SH2D2A: variants seen among roughly 807,000 people sequenced by gnomAD.
The protein encoded by SH2D2A is SH2 domain-containing protein 2A.
In SH2D2A, 33 loss-of-function variants were observed where a neutral mutation model predicts 43.6. The observed-to-expected ratio is 0.76, with a 90% CI of 0.57 to 1.01. The LOEUF (loss-of-function observed/expected upper bound fraction) is 1.01, where lower values mean the gene tolerates loss of function less well. SH2D2A is among the 50% of genes least tolerant of loss of function. The probability of loss-of-function intolerance (pLI) is 0.00; values close to 1 mark genes in which losing one functional copy is unlikely to be tolerated. For missense variants in SH2D2A, 491 were observed against 503.1 expected (o/e 0.98, Z 0.23); for synonymous variants, 212 against 206.1 (o/e 1.03, Z -0.25).
intron 5 of SH2D2A, among the ~76,000 whole-genome samples, chr1:156,812,664 C>T (rs1356313532): frequency 6.6e-6 from 1 of 152,134 alleles, no homozygotes; most frequent in African/African-American, 2.4e-5. Flanking sequence ...CAGCCTGGGC[C>T]AGTGTAGCAG....
At chr1:156,808,306 G>A (rs1653120265) in intron 7 of SH2D2A, among the ~76,000 whole-genome samples, 1 of 152,190 alleles carries the variant, frequency 6.6e-6, no homozygotes. Context: ...AATCAGGACA[G>A]TGAACATGGG....
At position 156,809,821 on chromosome 1, in the gene SH2D2A, A is replaced by G. The variant is rs574454226; in HGVS notation, c.568-14T>C. 28 of 1,613,182 alleles carry G rather than the reference A, an allele frequency of 1.7e-5. 1 individual carries two copies. The South Asian group carries it at 2.6e-4, about 15-fold the overall frequency. ...AGGCTCAGGAGTCTGCTGGGAAAGA[A>G]GGAGGTCTGAGGCACTCGGTGGAGC... On this transcript the variant is annotated splice_polypyrimidine_tract_variant and intron_variant, in intron 5 of 8. Coordinates refer to ENST00000368199, the MANE Select transcript of SH2D2A (RefSeq NM_003975.4). The surrounding 1 kb of genome is among the most constrained non-coding windows in gnomAD (Gnocchi z 4.8).
In SH2D2A at chr1:156,813,872, C is replaced by A; in HGVS notation, c.543G>T (p.Thr181=). 1.3e-6 allele frequency: 2 copies of A among 1,512,454 alleles called. No individual in the cohort carries two copies. Among genetic ancestry groups the A allele is most frequent in the Non-Finnish European group, 8.8e-7 (1 of 1,131,162 alleles). 93.7% of individuals were successfully genotyped at this position (1,512,454 alleles called of 1,614,324 possible). A position where few individuals can be genotyped will look rare whatever the true frequency, so the allele number is the denominator to read the frequency against. Residue 181 remains threonine, a synonymous_variant, in exon 5 of 9, where the codon ACG becomes ACT. Transcript: ENST00000368199. The part of the protein sequence containing the change: ...TAHPLSPYGE[T]LTEPLARQTP... ...CCTGTCGGGCGAGGGGCTCGGTGAG[C>A]GTCTCCCCGTAGGGGCTGAGCGGGT...
chr1:156,811,082 C>T (rs910127283), intron 5 of SH2D2A, among the ~76,000 whole-genome samples: 4 of 152,240 alleles, frequency 2.6e-5, no homozygotes, highest in Non-Finnish European at 4.4e-5. Context: ...GCCCTAACCC[C>T]CTCCTCTCTC....
intron 5 of SH2D2A, among the ~76,000 whole-genome samples, chr1:156,812,618 T>G (rs1653496685): frequency 6.6e-6 from 1 of 152,112 alleles, no homozygotes; most frequent in Admixed American, 6.5e-5. Flanking sequence ...GCCCCAATCC[T>G]GTCACTCTTC....
At chr1:156,815,634 G>A (rs755132727) in intron 2 of SH2D2A, 19 of 699,906 alleles carry the variant, frequency 2.7e-5, no homozygotes, top group Admixed American at 1.0e-4. Context: ...GACCTAGTTC[G>A]CAGGGAAAAT....
rs1239966891 is a variant in SH2D2A at position 156,807,298 on chromosome 1, T to C, written c.1050A>G (p.Gln350=). ...QLHSENSVIG[Q]GPPLPHQPPP... Reference sequence around the variant, plus strand: ...GGGGCTGGTGGGGCAGGGGAGGGCCTTGCCCAATCACAGAGTTCTCAGAAT... The same window carrying C: ...GGGGCTGGTGGGGCAGGGGAGGGCCCTGCCCAATCACAGAGTTCTCAGAAT... Residue 350 remains glutamine, a synonymous_variant, in exon 8 of 9, where the codon CAA becomes CAG. Coordinates refer to ENST00000368199, the MANE Select transcript of SH2D2A (RefSeq NM_003975.4). The surrounding 1 kb of genome is among the most constrained non-coding windows in gnomAD (Gnocchi z 5.1). The C allele has an allele frequency of 6.3e-7, 1 of 1,593,900 alleles. No homozygotes were observed. Among genetic ancestry groups the C allele is most frequent in the Non-Finnish European group, 8.5e-7 (1 of 1,173,942 alleles).
chr1:156,811,493 G>A (rs1653417087), intron 5 of SH2D2A, among the ~76,000 whole-genome samples: 1 of 152,146 alleles, frequency 6.6e-6, no homozygotes, highest in South Asian at 2.1e-4. Flanking sequence ...AGGTCAGGCT[G>A]GCTCCTCCTC....
intron 7 of SH2D2A, among the ~76,000 whole-genome samples, chr1:156,808,467 T>C (rs1431009434): frequency 6.6e-6 from 1 of 151,948 alleles, no homozygotes; most frequent in Non-Finnish European, 1.5e-5. Flanking sequence ...CAGCAGACGT[T>C]GGCAGGGGTG....
chr1:156,808,329 G>T (rs952159055), intron 7 of SH2D2A, among the ~76,000 whole-genome samples: 1 of 152,170 alleles, frequency 6.6e-6, no homozygotes, highest in Non-Finnish European at 1.5e-5. Flanking sequence ...CGAGCTGTTT[G>T]GAGGGCAAGG....
At chr1:156,815,907 C>T (rs531638430) in intron 2 of SH2D2A, 99 bp downstream of exon 2, 7 of 1,612,184 alleles carry the variant, frequency 4.3e-6, no homozygotes, top group South Asian at 1.1e-5. Flanking sequence ...TTCCTGCCTT[C>T]TCTTGGAGTG....
At position 156,807,859 on chromosome 1, in the gene SH2D2A, T is replaced by C. The variant is rs961198311; in HGVS notation, c.1003-514A>G. Reference sequence around the variant, plus strand: ...ATTCTAGGAGAATGGGAGTGGCTGGTGGTAAGGCTAAGGAGGTGAGACCCC... The same window carrying C: ...ATTCTAGGAGAATGGGAGTGGCTGGCGGTAAGGCTAAGGAGGTGAGACCCC... On this transcript the variant is annotated intron_variant, in intron 7 of 8. Transcript: ENST00000368199. This position sits in a 1 kb window ranked among gnomAD's most constrained non-coding sequence, Gnocchi z 5.1. Among the ~76,000 whole-genome samples the C allele has an allele frequency of 6.6e-6, 1 of 152,102 alleles. No homozygotes were observed. Among genetic ancestry groups the C allele is most frequent in the African/African-American group, 2.4e-5 (1 of 41,414 alleles).
At chr1:156,814,039 A>G (rs201185505) in intron 4 of SH2D2A, 23 bp from the exon 5 acceptor site, 107 of 1,497,122 alleles carry the variant, frequency 7.1e-5, no homozygotes, top group Non-Finnish European at 9.0e-5. Context: ...GTTAGGGATC[A>G]GACTATCTCC....
intron 3 of SH2D2A, 45 bp from the exon 4 acceptor site, chr1:156,814,339 C>T (rs778556642): frequency 1.3e-6 from 2 of 1,591,916 alleles, no homozygotes; most frequent in Non-Finnish European, 1.7e-6. Context: ...TCTGACACTT[C>T]CAGCCTCGCC....
chr1:156,811,983 C>T (rs1235833694), intron 5 of SH2D2A, among the ~76,000 whole-genome samples: 4 of 152,162 alleles, frequency 2.6e-5, no homozygotes, highest in Non-Finnish European at 5.9e-5. Flanking sequence ...CAGCTGCCTA[C>T]TTGACATCTC....
At chr1:156,810,140 A>G (rs1653311922) in intron 5 of SH2D2A, among the ~76,000 whole-genome samples, 1 of 152,136 alleles carries the variant, frequency 6.6e-6, no homozygotes, top group Non-Finnish European at 1.5e-5. Flanking sequence ...GGCTCAAGCT[A>G]TCCTCTTGCC....
intron 1 of SH2D2A, 53 bp downstream of exon 1, chr1:156,816,622 G>A (rs1653962945): frequency 1.3e-6 from 2 of 1,572,900 alleles, no homozygotes; most frequent in Non-Finnish European, 1.7e-6. Context: ...GAGGGCAGGG[G>A]GATGGGGGTC....
In SH2D2A at chr1:156,807,404, TTG is replaced by T; in HGVS notation, c.1003-61_1003-60del. On this transcript the variant is annotated intron_variant, in intron 7 of 8. Coordinates refer to ENST00000368199, the MANE Select transcript of SH2D2A (RefSeq NM_003975.4). The surrounding 1 kb of genome is among the most constrained non-coding windows in gnomAD (Gnocchi z 5.1). ...TCTACCCTCTGCCTCCTAGGTGTACTTGCAGTCTCAAGACATCTGATCTGAAC... is the reference window on the plus strand; with the variant it reads ...TCTACCCTCTGCCTCCTAGGTGTACTCAGTCTCAAGACATCTGATCTGAAC... The T allele has an allele frequency of 7.2e-7, 1 of 1,393,662 alleles. No individual in the cohort carries two copies. Among genetic ancestry groups the T allele is most frequent in the Non-Finnish European group, 9.5e-7 (1 of 1,056,416 alleles). 86.3% of individuals were successfully genotyped at this position (1,393,662 alleles called of 1,614,324 possible). A position where few individuals can be genotyped will look rare whatever the true frequency, so the allele number is the denominator to read the frequency against.
At chr1:156,815,448 G>A in intron 2 of SH2D2A, 1 of 572,718 alleles carries the variant, frequency 1.7e-6, no homozygotes, top group South Asian at 2.4e-5. Context: ...GGTCCTGAGG[G>A]CTTTTAATCC....
Sources: allele counts gnomAD v4.1 joint callset (sites outside exome capture counted in the v4.1 genomes callset), GRCh38; gene constraint gnomAD v4.1.1; non-coding constraint Gnocchi (gnomAD v3.1); transcripts MANE v1.5; gene names NCBI Gene and HGNC (gene_info 2026-07-23, HGNC 2026-07-21).